Variants in HDAC5 observed in about 807,000 individuals in gnomAD.
The protein encoded by HDAC5 is histone deacetylase 5, also known as antigen NY-CO-9.
HDAC5 carries 25 observed loss-of-function variants against 133.3 expected under a neutral mutation model. That is an observed-to-expected ratio of 0.19 (90% CI 0.14 to 0.26). The LOEUF (loss-of-function observed/expected upper bound fraction) is 0.26. Ranked by LOEUF, HDAC5 falls within the 10% of genes least tolerant of loss-of-function variation. HDAC5 has a pLI of 1.00. For synonymous variants in HDAC5, 589 were observed against 610.8 expected (o/e 0.96, Z 0.53); for missense variants, 1,041 against 1,460.5 (o/e 0.71, Z 4.68).
In HDAC5 at chr17:44,083,783, C is replaced by G. The variant is rs751424771; in HGVS notation, c.2355+22G>C. ...CCTAGGAGAGCCGCCCGCCCACCCC[C>G]ACTGCTGTACGCCCTACTCACCCCG... On this transcript the variant is annotated intron_variant, in intron 17 of 26. Transcript: ENST00000682912. 6.7e-5 allele frequency: 107 copies of G among 1,592,406 alleles called. 1 individual carries two copies. The highest frequency in any genetic ancestry group is 8.9e-5 in the Non-Finnish European group (103 of 1,160,442).
intron 20 of HDAC5, 64 bp from the exon 21 acceptor site, chr17:44,080,946 C>T: frequency 6.2e-7 from 1 of 1,606,818 alleles, no homozygotes; most frequent in Non-Finnish European, 8.5e-7. Context: ...TCAAATTCCA[C>T]CTGTCAGCTG....
intron 3 of HDAC5, 100 bp downstream of exon 3, chr17:44,110,629 T>C (rs949019620): frequency 1.2e-5 from 11 of 921,282 alleles, no homozygotes; most frequent in Non-Finnish European, 1.7e-5. Flanking sequence ...AAGACAGATC[T>C]ATGCAGGACC....
Position 44,092,361 on chromosome 17 carries a change from T to C in HDAC5, c.919+20A>G. The C allele has an allele frequency of 6.2e-7, 1 of 1,612,012 alleles. No homozygotes were observed. Among genetic ancestry groups the C allele is most frequent in the East Asian group, 2.2e-5 (1 of 44,788 alleles). On this transcript the variant is annotated intron_variant, in intron 8 of 26. Transcript: ENST00000682912. ...CTGATTCCCAGACCCTCAGAACAGG[T>C]ACATGAGAGCAGCCCTTACCCCCAG...
chr17:44,123,416 C>A (rs986243318), intron 1 of HDAC5, 88 bp downstream of exon 1: 7 of 353,190 alleles, frequency 2.0e-5, no homozygotes, highest in Non-Finnish European at 3.1e-5. Context: ...GCTGGGAGCC[C>A]GCGGACAGAG....
intron 13 of HDAC5, among the ~76,000 whole-genome samples, chr17:44,087,100 TACACACACGC>T (rs1567989450): frequency 1.3e-5 from 2 of 150,932 alleles, no homozygotes; most frequent in African/African-American, 2.4e-5. Flanking sequence ...GGCGTGTGTG[TACACACACGC>T]ACAGGCACGC....
At chr17:44,103,504 G>T (rs1013136133) in intron 3 of HDAC5, among the ~76,000 whole-genome samples, 1 of 152,162 alleles carries the variant, frequency 6.6e-6, no homozygotes, top group South Asian at 2.1e-4. Context: ...CTCCATGCAG[G>T]CATCTGTAAA....
rs2143067573 is a variant in HDAC5, at chr17:44,082,488, G to T, written c.2607+97C>A. On this transcript the variant is annotated intron_variant, in intron 20 of 26. Transcript: ENST00000682912. ...GCACCCGAGGATGAGGACGACTGGG[G>T]TGCTTGAAGGTGGGGCTGGGGGAGG... 3.2e-6 allele frequency: 3 copies of T among 937,456 alleles called. No individual in the cohort carries two copies. The South Asian group carries it at 4.1e-5, about 13-fold the overall frequency. The allele number at this position is 937,456 out of a possible 1,614,324, so 58.1% of individuals were successfully genotyped here.
At position 44,123,599 on chromosome 17, in the gene HDAC5, G is replaced by C. The variant is rs1021557003; in HGVS notation, c.-285C>G. ...TCCTCGACGGCTCCTCCATCTTTGC[G>C]GCGGCTCCTCCGGCTCCGCTCGCCG... On this transcript the variant is annotated 5_prime_UTR_variant, in exon 1 of 27. Coordinates refer to ENST00000682912, the MANE Select transcript of HDAC5 (RefSeq NM_005474.5). 2 of 397,756 alleles carry C rather than the reference G, an allele frequency of 5.0e-6. No individual in the cohort carries two copies. The highest frequency in any genetic ancestry group is 7.1e-5 in the East Asian group (2 of 28,002). The allele number at this position is 397,756 out of a possible 1,614,324, so 24.6% of individuals were successfully genotyped here.
rs1306453439 is a variant in HDAC5 at position 44,117,793 on chromosome 17, G to C, written c.-189-89C>G. Reference sequence around the variant, plus strand: ...TTGGAGCTCATCAGTTTGTACCTGGGGATGAGGGATGAGAGGGAGGGATAC... The same window carrying C: ...TTGGAGCTCATCAGTTTGTACCTGGCGATGAGGGATGAGAGGGAGGGATAC... On this transcript the variant is annotated intron_variant, in intron 1 of 26. Coordinates refer to ENST00000682912, the MANE Select transcript of HDAC5 (RefSeq NM_005474.5). The surrounding 1 kb of genome is among the most constrained non-coding windows in gnomAD (Gnocchi z 4.2). 1 of 577,182 alleles carries C rather than the reference G, an allele frequency of 1.7e-6. No homozygotes were observed. Among genetic ancestry groups the C allele is most frequent in the Admixed American group, 3.0e-5 (1 of 33,004 alleles). The allele number at this position is 577,182 out of a possible 1,614,324, so 35.8% of individuals were successfully genotyped here.
intron 2 of HDAC5, among the ~76,000 whole-genome samples, chr17:44,116,203 AAAG>A (rs1428324093): frequency 2.0e-5 from 3 of 152,166 alleles, no homozygotes; most frequent in Non-Finnish European, 4.4e-5. Context: ...AACTCAGAGG[AAAG>A]AAGTAGCTGG....
chr17:44,115,392 G>A (rs1035787229), intron 2 of HDAC5, among the ~76,000 whole-genome samples: 12 of 152,186 alleles, frequency 7.9e-5, no homozygotes, highest in African/African-American at 2.7e-4. Context: ...GCTCTCTACA[G>A]GGAAGTGGAC....
At chr17:44,085,186 C>T in intron 14 of HDAC5, 31 bp from the exon 15 acceptor site, 1 of 1,545,186 alleles carries the variant, frequency 6.5e-7, no homozygotes. Context: ...TCAGCCAGCA[C>T]TGCTCTGGGC....
Position 44,093,570 on chromosome 17 carries a change from C to T in HDAC5, c.354+5G>A. On this transcript the variant is annotated splice_donor_5th_base_variant and intron_variant, in intron 4 of 26. Coordinates refer to ENST00000682912, the MANE Select transcript of HDAC5 (RefSeq NM_005474.5). ...TGGGCGGCCCCCCGCACCCCCCTCG[C>T]TCACCTTGAGGTGCTTCTGCAGCTG... 1 of 1,602,576 alleles carries T rather than the reference C, an allele frequency of 6.2e-7. No individual in the cohort carries two copies. Among genetic ancestry groups the T allele is most frequent in the East Asian group, 2.2e-5 (1 of 44,712 alleles).
chr17:44,117,306 G>A lies in HDAC5; in HGVS notation c.22+188C>T, dbSNP rs899524507. ...CCCATTGCCTTCCCAGGACCAGACC[G>A]GACCATCGATCCCTCGATTCCCAGG... On this transcript the variant is annotated intron_variant, in intron 2 of 26. Transcript: ENST00000682912. This position sits in a 1 kb window ranked among gnomAD's most constrained non-coding sequence, Gnocchi z 4.2. 2.6e-5 allele frequency among the ~76,000 whole-genome samples: 4 copies of A among 152,160 alleles called. No individual in the cohort carries two copies. The highest frequency in any genetic ancestry group is 7.2e-5 in the African/African-American group (3 of 41,424).
At position 44,088,502 on chromosome 17, in the gene HDAC5, C is replaced by A. The variant is rs1368998438; in HGVS notation, c.1484G>T (p.Arg495Leu). The A allele has an allele frequency of 1.2e-6, 2 of 1,612,784 alleles. No homozygotes were observed. Among genetic ancestry groups the A allele is most frequent in the Non-Finnish European group, 1.7e-6 (2 of 1,179,754 alleles). ...GKLPRHRPLS[R>L]TQSSPLPQSP... Reference sequence around the variant, plus strand: ...CTGCGGCAGCGGTGAGGACTGAGTGCGGCTCAGGGGCCGATGCCGCGGGAG... The same window carrying A: ...CTGCGGCAGCGGTGAGGACTGAGTGAGGCTCAGGGGCCGATGCCGCGGGAG... Residue 495 changes from arginine (R) to leucine (L), a missense_variant, in exon 12 of 27, where the codon CGC becomes CTC. Coordinates refer to ENST00000682912, the MANE Select transcript of HDAC5 (RefSeq NM_005474.5).
chr17:44,079,320 TAATC>T lies in HDAC5; in HGVS notation c.2945-47_2945-44del, dbSNP rs778416500. 9 of 1,594,570 alleles carry T rather than the reference TAATC, an allele frequency of 5.6e-6. No individual in the cohort carries two copies. In the Admixed American group the frequency reaches 8.5e-5, roughly 15 times the overall value. The stretch of plus-strand genomic sequence containing the variant: ...GGGAGGAAGAAGAAATGGCGAAAGG[TAATC>T]AATCAATTCAAGAGCCAGTAAGAGG... On this transcript the variant is annotated intron_variant, in intron 23 of 26. Coordinates refer to ENST00000682912, the MANE Select transcript of HDAC5 (RefSeq NM_005474.5).
intron 15 of HDAC5, 40 bp from the exon 16 acceptor site, chr17:44,084,715 A>AGC: frequency 1.2e-6 from 2 of 1,608,928 alleles, no homozygotes; most frequent in South Asian, 2.2e-5. Flanking sequence ...ACAAAGGCAC[A>AGC]GCTCTCTCAG....
chr17:44,094,726 G>A (rs916941815), intron 3 of HDAC5, among the ~76,000 whole-genome samples: 1 of 142,310 alleles, frequency 7.0e-6, no homozygotes, highest in Admixed American at 7.6e-5. Flanking sequence ...GTGTGTGTGT[G>A]TATATATATG....
intron 3 of HDAC5, among the ~76,000 whole-genome samples, chr17:44,106,325 T>C (rs1335337368): frequency 6.6e-6 from 1 of 152,120 alleles, no homozygotes; most frequent in African/African-American, 2.4e-5. Context: ...TCCTCAGTAT[T>C]TACAGAAAAC....
Sources: gnomAD v4.1 joint callset for allele counts (sites outside exome capture counted in the v4.1 genomes callset) on GRCh38, gnomAD v4.1.1 for gene constraint, Gnocchi (gnomAD v3.1) non-coding constraint, MANE v1.5 for transcripts, NCBI Gene and HGNC (gene_info 2026-07-23, HGNC 2026-07-21) for gene names.